The following PPP1R42 variants were observed in gnomAD, a reference collection of about 807,000 sequenced individuals.
The protein encoded by PPP1R42 is protein phosphatase 1 regulatory subunit 42, also known as leucine rich repeat containing 67.
Under a neutral mutation model 31.0 loss-of-function variants are expected in PPP1R42, and 34 were observed. That is an observed-to-expected ratio of 1.10 (90% CI 0.83 to 1.46). The LOEUF (loss-of-function observed/expected upper bound fraction) is 1.46, where lower values mean the gene tolerates loss of function less well. Among genes scored for constraint, PPP1R42 ranks in the 40% most tolerant of loss-of-function variants. The probability of loss-of-function intolerance (pLI) is 0.00; values close to 1 mark genes in which losing one functional copy is unlikely to be tolerated. For missense variants in PPP1R42, 268 were observed against 303.0 expected, an observed-to-expected ratio of 0.88 and a Z score of 0.86; for synonymous variants, 103 against 109.8, an observed-to-expected ratio of 0.94 and a Z score of 0.39.
intron 5 of PPP1R42, among the ~76,000 whole-genome samples, chr8:67,004,588 G>A (rs1230091141): frequency 6.6e-6 from 1 of 151,878 alleles, no homozygotes; most frequent in African/African-American, 2.4e-5. Flanking sequence ...TAAGTGCTCT[G>A]TTATTCATGT....
rs1563417532 is a variant in PPP1R42, at chr8:66,984,428, C to T, written c.671-2248G>A. 7 of 1,308,452 alleles carry T rather than the reference C, an allele frequency of 5.3e-6. No homozygotes were observed. In the East Asian group the frequency reaches 1.2e-4, roughly 22 times the overall value. 81.1% of individuals were successfully genotyped at this position (1,308,452 alleles called of 1,614,324 possible). ...AATTTCTTCTGGGTCTTGGGGCCCC[C>T]TTCCACTACTACCACGTTGACACCC... On this transcript the variant is annotated intron_variant, in intron 6 of 7. Transcript: ENST00000685739.
chr8:66,974,652 T>A (rs1814621993), intron 7 of PPP1R42, among the ~76,000 whole-genome samples: 1 of 152,234 alleles, frequency 6.6e-6, no homozygotes, highest in African/African-American at 2.4e-5. Flanking sequence ...TGAGTATTTC[T>A]TCATATACCT....
In PPP1R42 at chr8:67,012,957, C is replaced by T; in HGVS notation, c.435+1G>A. On this transcript the variant is annotated splice_donor_variant, in intron 4 of 7. Coordinates refer to ENST00000685739, the MANE Select transcript of PPP1R42 (RefSeq NM_001364910.1). LOFTEE classifies it high-confidence loss of function. The stretch of plus-strand genomic sequence containing the variant: ...GTCAAAATATTCAAATGTGAACTTA[C>T]TGCCAGAGAATGAAGAGTTCTTGGA... 2 of 1,593,684 alleles carry T rather than the reference C, an allele frequency of 1.3e-6. No homozygotes were observed. The highest frequency in any genetic ancestry group is 1.2e-5 in the South Asian group (1 of 86,454).
chr8:66,992,540 C>G (rs1473679961), intron 5 of PPP1R42, among the ~76,000 whole-genome samples: 1 of 152,222 alleles, frequency 6.6e-6, no homozygotes, highest in Non-Finnish European at 1.5e-5. Context: ...AGCGAGAGCT[C>G]TCACTGGGGA....
chr8:66,999,974 TTC>T (rs1435535799), intron 5 of PPP1R42, among the ~76,000 whole-genome samples: 1 of 152,210 alleles, frequency 6.6e-6, no homozygotes, highest in African/African-American at 2.4e-5. Flanking sequence ...AATTTGTGTT[TTC>T]TCTGTTTTCT....
At chr8:66,965,708 T>C (rs1814363836) in intron 7 of PPP1R42, among the ~76,000 whole-genome samples, 1 of 151,932 alleles carries the variant, frequency 6.6e-6, no homozygotes, top group Non-Finnish European at 1.5e-5. Context: ...ATTGCTTAAG[T>C]ATAAGAGTTT....
chr8:66,973,211 A>G (rs191500103), intron 7 of PPP1R42, among the ~76,000 whole-genome samples: 108 of 152,258 alleles, frequency 7.1e-4, no homozygotes, highest in Middle Eastern at 3.4e-3. Flanking sequence ...TGAAGCTTAC[A>G]TACTATAACA....
intron 5 of PPP1R42, among the ~76,000 whole-genome samples, chr8:66,999,303 C>T (rs1207996005): frequency 1.3e-5 from 2 of 152,160 alleles, no homozygotes; most frequent in Non-Finnish European, 2.9e-5. Context: ...TCACTGCACC[C>T]TCCACCTCTT....
At chr8:66,981,523 G>T (rs1228901683) in intron 7 of PPP1R42, among the ~76,000 whole-genome samples, 2 of 151,914 alleles carry the variant, frequency 1.3e-5, no homozygotes, top group Non-Finnish European at 2.9e-5. Flanking sequence ...GGGATTACAG[G>T]TGCCTGTCAC....
intron 1 of PPP1R42, among the ~76,000 whole-genome samples, chr8:67,021,541 C>T (rs1286441404): frequency 1.3e-5 from 2 of 152,066 alleles, no homozygotes; most frequent in Admixed American, 1.3e-4. Context: ...ATAAAAATAA[C>T]ATTACCTTGA....
chr8:66,995,940 G>A (rs1273386770), intron 5 of PPP1R42, among the ~76,000 whole-genome samples: 1 of 152,048 alleles, frequency 6.6e-6, no homozygotes, highest in Non-Finnish European at 1.5e-5. Flanking sequence ...TACTATGAAA[G>A]ATGATGATTT....
chr8:66,971,401 T>C (rs1323296249), intron 7 of PPP1R42, among the ~76,000 whole-genome samples: 1 of 152,256 alleles, frequency 6.6e-6, no homozygotes, highest in Non-Finnish European at 1.5e-5. Context: ...CCCTTAATTT[T>C]ACTGTTCTGA....
intron 1 of PPP1R42, among the ~76,000 whole-genome samples, chr8:67,026,619 T>C (rs1454142061): frequency 6.6e-6 from 1 of 151,972 alleles, no homozygotes; most frequent in African/African-American, 2.4e-5. Context: ...GAGGATTGCT[T>C]GAGCCCAGGA....
chr8:67,005,655 C>CTCAT (rs756035084), intron 5 of PPP1R42, among the ~76,000 whole-genome samples: 4 of 152,142 alleles, frequency 2.6e-5, no homozygotes, highest in Admixed American at 6.5e-5. Context: ...TTCCTTTATG[C>CTCAT]CTACATCCTG....
chr8:66,991,181 CT>C (rs1031523682), intron 5 of PPP1R42, among the ~76,000 whole-genome samples: 1 of 151,804 alleles, frequency 6.6e-6, no homozygotes, highest in Non-Finnish European at 1.5e-5. Flanking sequence ...AAAGATTAAA[CT>C]TTTTTTTGTT....
At chr8:66,998,097 A>T (rs1329150277) in intron 5 of PPP1R42, among the ~76,000 whole-genome samples, 1 of 152,198 alleles carries the variant, frequency 6.6e-6, no homozygotes, top group African/African-American at 2.4e-5. Context: ...AATCTAAACA[A>T]TAAAGTCTAT....
chr8:67,018,560 T>G (rs1350453384), intron 1 of PPP1R42, among the ~76,000 whole-genome samples: 5 of 151,712 alleles, frequency 3.3e-5, no homozygotes, highest in Non-Finnish European at 7.4e-5. Context: ...GTCGCCAGGC[T>G]GGAGTGCAGT....
intron 2 of PPP1R42, among the ~76,000 whole-genome samples, chr8:67,014,920 T>C (rs1163529475): frequency 6.6e-6 from 1 of 152,236 alleles, no homozygotes; most frequent in Non-Finnish European, 1.5e-5. Flanking sequence ...CTCAACATTA[T>C]AAATAGGGTT....
intron 5 of PPP1R42, among the ~76,000 whole-genome samples, chr8:67,009,660 T>G (rs1010467058): frequency 6.6e-6 from 1 of 152,230 alleles, no homozygotes; most frequent in Non-Finnish European, 1.5e-5. Context: ...AAACAACTAA[T>G]TGAGTTGTGC....
Sources: gnomAD v4.1 joint callset for allele counts (sites outside exome capture counted in the v4.1 genomes callset) on GRCh38, gnomAD v4.1.1 for gene constraint, MANE v1.5 for transcripts, NCBI Gene and HGNC (gene_info 2026-07-23, HGNC 2026-07-21) for gene names.